The following CORO2B variants were observed in gnomAD, a reference collection of about 807,000 sequenced individuals.
The protein encoded by CORO2B is coronin 2B.
In CORO2B, 26 loss-of-function variants were observed where a neutral mutation model predicts 58.8. The observed-to-expected ratio is 0.44, with a 90% CI of 0.32 to 0.61. The LOEUF (loss-of-function observed/expected upper bound fraction) is 0.61. Among genes scored for constraint, CORO2B ranks in the 20% least tolerant of loss-of-function variants. The pLI, the probability that CORO2B is intolerant of heterozygous loss-of-function variation, is 0.04. For missense variants in CORO2B, 460 were observed against 645.1 expected (o/e 0.71, Z 3.11); for synonymous variants, 242 against 253.8 (o/e 0.95, Z 0.44).
At chr15:68,605,557 T>C (rs144287252) in intron 1 of CORO2B, among the ~76,000 whole-genome samples, 25 of 152,276 alleles carry the variant, frequency 1.6e-4, no homozygotes, top group African/African-American at 6.0e-4. Context: ...ATATTCGTGC[T>C]AAGTGAAAAA....
At chr15:68,692,924 G>A (rs1029312081) in intron 2 of CORO2B, among the ~76,000 whole-genome samples, 1 of 151,972 alleles carries the variant, frequency 6.6e-6, no homozygotes, top group South Asian at 2.1e-4. Context: ...ATGATCCACC[G>A]TGCCTGGCCT....
chr15:68,527,513 T>G, the CORO2B span, among the ~76,000 whole-genome samples: 1 of 152,212 alleles, frequency 6.6e-6, no homozygotes, highest in Non-Finnish European at 1.5e-5. Flanking sequence ...CTTTATTCTA[T>G]TCCATTGATC....
the CORO2B span, among the ~76,000 whole-genome samples, chr15:68,551,492 G>A: frequency 2.0e-5 from 3 of 152,126 alleles, no homozygotes; most frequent in Admixed American, 6.5e-5. Context: ...GGGCCTCCCC[G>A]GCCTCCTCTT....
intron 2 of CORO2B, among the ~76,000 whole-genome samples, chr15:68,653,012 C>G (rs768784224): frequency 1.3e-5 from 2 of 152,198 alleles, no homozygotes; most frequent in Non-Finnish European, 2.9e-5. Context: ...CCCCATGTGT[C>G]CATCTCTTTT....
chr15:68,711,449 G>A (rs71402285), intron 4 of CORO2B, 93 bp from the exon 5 acceptor site: 253,405 of 1,132,412 alleles, frequency 0.22, 30,155 homozygotes, highest in Non-Finnish European at 0.25. Context: ...TGCATGGGGC[G>A]CTTCTCCCAG....
chr15:68,678,581 G>A (rs1193102896), intron 2 of CORO2B, among the ~76,000 whole-genome samples: 1 of 152,192 alleles, frequency 6.6e-6, no homozygotes, highest in Non-Finnish European at 1.5e-5. Flanking sequence ...GACTGAGGCA[G>A]GAGAATCATT....
intron 1 of CORO2B, among the ~76,000 whole-genome samples, chr15:68,631,788 C>T (rs1900838615): frequency 6.6e-6 from 1 of 152,176 alleles, no homozygotes; most frequent in Admixed American, 6.5e-5. Flanking sequence ...GGGGCCAATT[C>T]GTTTACCTCT....
chr15:68,723,116 CTTT>C lies in CORO2B; in HGVS notation c.1312-2705_1312-2703del, dbSNP rs767517372. 1.2e-4 allele frequency among the ~76,000 whole-genome samples: 11 copies of C among 91,490 alleles called. No individual in the cohort carries two copies. The East Asian group carries it at 1.7e-3, about 14-fold the overall frequency. 60.0% of individuals were successfully genotyped at this position (91,490 alleles called of 152,430 possible). A position where few individuals can be genotyped will look rare whatever the true frequency, so the allele number is the denominator to read the frequency against. ...GAATCATAAAAATGATACATACATT[CTTT>C]TTTTTTTTTTTTTTTTTTTTTAGAC... On this transcript the variant is annotated intron_variant, in intron 11 of 11. Transcript: ENST00000261861.
intron 3 of CORO2B, among the ~76,000 whole-genome samples, chr15:68,702,281 G>A (rs2054381136): frequency 6.6e-6 from 1 of 152,080 alleles, no homozygotes; most frequent in African/African-American, 2.4e-5. Context: ...TCTGTGCAAG[G>A]ACAGTCTTTA....
At chr15:68,677,128 C>G (rs1902614677) in intron 2 of CORO2B, among the ~76,000 whole-genome samples, 1 of 152,084 alleles carries the variant, frequency 6.6e-6, no homozygotes, top group South Asian at 2.1e-4. Flanking sequence ...GGCCTGGAGC[C>G]CCGGAGGCAC....
chr15:68,671,188 T>C (rs966999391), intron 2 of CORO2B, among the ~76,000 whole-genome samples: 2 of 152,204 alleles, frequency 1.3e-5, no homozygotes, highest in Non-Finnish European at 2.9e-5. Flanking sequence ...CAGCTGGGCA[T>C]AAAATGGAGC....
chr15:68,717,797 A>G (rs1893066843), intron 8 of CORO2B, among the ~76,000 whole-genome samples: 1 of 152,230 alleles, frequency 6.6e-6, no homozygotes, highest in Non-Finnish European at 1.5e-5. Flanking sequence ...GCAGGCTTCC[A>G]GCCCAGAGGA....
the CORO2B span, among the ~76,000 whole-genome samples, chr15:68,527,135 C>A: frequency 2.0e-5 from 3 of 152,204 alleles, no homozygotes; most frequent in African/African-American, 4.8e-5. Flanking sequence ...CAGCCCCCAA[C>A]AGGTACTTGT....
intron 1 of CORO2B, among the ~76,000 whole-genome samples, chr15:68,621,641 T>C (rs1900522799): frequency 6.6e-6 from 1 of 152,140 alleles, no homozygotes; most frequent in Non-Finnish European, 1.5e-5. Flanking sequence ...TTGCTTTGGT[T>C]TGGTTGTTGG....
chr15:68,612,142 G>T lies in CORO2B; in HGVS notation c.15+32865G>T, dbSNP rs552049521. ...ACACTGCTCATTGTTTATCGGAGTA[G>T]ATTCCCAGGAATAGATAAAATGAGA... is the stretch of plus-strand genomic sequence containing the variant. On this transcript the variant is annotated intron_variant, in intron 1 of 11. Coordinates refer to ENST00000261861, the MANE Select transcript of CORO2B (RefSeq NM_006091.5). Among the ~76,000 whole-genome samples, 3 of 152,312 alleles carry T rather than the reference G, an allele frequency of 2.0e-5. No homozygotes were observed. The South Asian group carries it at 6.2e-4, about 32-fold the overall frequency.
At chr15:68,690,428 A>G (rs1165393425) in intron 2 of CORO2B, among the ~76,000 whole-genome samples, 2 of 152,142 alleles carry the variant, frequency 1.3e-5, no homozygotes, top group Admixed American at 6.5e-5. Context: ...AATATTAGAC[A>G]TGGCCTACTG....
chr15:68,587,049 TACACACACAC>T lies in CORO2B; in HGVS notation c.15+7810_15+7819del, dbSNP rs58729813. On this transcript the variant is annotated intron_variant, in intron 1 of 11. Coordinates refer to ENST00000261861, the MANE Select transcript of CORO2B (RefSeq NM_006091.5). Reference sequence around the variant, plus strand: ...AAGTCAAACTATAGGGAGATATGTATACACACACACACACACACACACACACACACACACA... The same window carrying T: ...AAGTCAAACTATAGGGAGATATGTATACACACACACACACACACACACACA... 5.6e-3 allele frequency among the ~76,000 whole-genome samples: 322 copies of T among 57,928 alleles called. 3 individuals are homozygous for T. The highest frequency in any genetic ancestry group is 9.3e-3 in the African/African-American group (205 of 22,048). The allele number at this position is 57,928 out of a possible 152,430, so 38.0% of individuals were successfully genotyped here.
intron 1 of CORO2B, among the ~76,000 whole-genome samples, chr15:68,609,918 G>A (rs962623122): frequency 1.3e-5 from 2 of 152,118 alleles, no homozygotes; most frequent in African/African-American, 2.4e-5. Flanking sequence ...GAATCCGCAT[G>A]AATCATCCAC....
chr15:68,618,451 T>G (rs1900427419), intron 1 of CORO2B, among the ~76,000 whole-genome samples: 1 of 152,094 alleles, frequency 6.6e-6, no homozygotes, highest in Admixed American at 6.5e-5. Flanking sequence ...TCCAGATGTG[T>G]GAAAAGATTT....
Sources: gnomAD v4.1 joint callset for allele counts (sites outside exome capture counted in the v4.1 genomes callset) on GRCh38, gnomAD v4.1.1 for gene constraint, MANE v1.5 for transcripts, NCBI Gene and HGNC (gene_info 2026-07-23, HGNC 2026-07-21) for gene names.